BLTP2: variants seen among roughly 807,000 people sequenced by gnomAD.
BLTP2 encodes the protein bridge-like lipid transfer protein family member 2, also known as U937-associated antigen.
chr17:28,644,977 G>A, the BLTP2 span: 2 of 1,568,292 alleles, frequency 1.3e-6, no homozygotes, highest in Non-Finnish European at 1.7e-6. Context: ...CGGCGCGGCC[G>A]GGAACCCTCA....
chr17:28,626,777 A>G, the BLTP2 span, among the ~76,000 whole-genome samples: 1 of 152,256 alleles, frequency 6.6e-6, no homozygotes, highest in African/African-American at 2.4e-5. Context: ...GCCACTTCCC[A>G]TACCTCGCAC....
the BLTP2 span, among the ~76,000 whole-genome samples, chr17:28,644,399 G>C: frequency 1.3e-5 from 2 of 152,216 alleles, no homozygotes; most frequent in Admixed American, 6.5e-5. Context: ...GATGAAACCA[G>C]AAACTGCACC....
chr17:28,621,050 T>C, the BLTP2 span: 1 of 1,614,098 alleles, frequency 6.2e-7, no homozygotes, highest in South Asian at 1.1e-5. Context: ...TGGCTTAATC[T>C]GAGTTGCTAG....
the BLTP2 span, among the ~76,000 whole-genome samples, chr17:28,644,572 A>G: frequency 6.6e-6 from 1 of 152,208 alleles, no homozygotes; most frequent in Non-Finnish European, 1.5e-5. Flanking sequence ...CCAGACAGGT[A>G]TCCACGAGAA....
chr17:28,645,080 T>C, the BLTP2 span: 1 of 1,565,824 alleles, frequency 6.4e-7, no homozygotes, highest in Non-Finnish European at 8.6e-7. Context: ...CGGCCCGGCT[T>C]GGCCCCGGCC....
chr17:28,642,236 G>A, the BLTP2 span: 5 of 1,609,650 alleles, frequency 3.1e-6, no homozygotes, highest in Non-Finnish European at 4.3e-6. Flanking sequence ...TTTACGCCCA[G>A]GAGGAAATGA....
chr17:28,643,257 T>C, the BLTP2 span: 2 of 1,614,012 alleles, frequency 1.2e-6, no homozygotes, highest in African/African-American at 1.3e-5. Context: ...GGTCAGAAAC[T>C]TTCTGTAGGT....
chr17:28,623,964 C>T, the BLTP2 span: 2 of 1,613,244 alleles, frequency 1.2e-6, no homozygotes, highest in Non-Finnish European at 1.7e-6. Context: ...CACGAAGAAC[C>T]ATCTATGCCA....
the BLTP2 span, among the ~76,000 whole-genome samples, chr17:28,621,836 T>C: frequency 6.6e-6 from 1 of 152,220 alleles, no homozygotes; most frequent in South Asian, 2.1e-4. Context: ...TTTTGGTATT[T>C]GTTCCATTTG....
At chr17:28,642,086 G>T in the BLTP2 span, 6 of 1,612,862 alleles carry the variant, frequency 3.7e-6, no homozygotes, top group Non-Finnish European at 5.1e-6. Flanking sequence ...CTCCTGTGGG[G>T]ATGATAAGCC....
the BLTP2 span, chr17:28,643,605 C>T: frequency 1.9e-6 from 3 of 1,612,998 alleles, no homozygotes; most frequent in Non-Finnish European, 2.5e-6. Flanking sequence ...ATATAGGGTA[C>T]TCACGGAAGA....
At chr17:28,628,657 A>G in the BLTP2 span, 1 of 998,916 alleles carries the variant, frequency 1.0e-6, no homozygotes, top group Non-Finnish European at 1.5e-6. Flanking sequence ...CCTGTTGGCC[A>G]GATGCCATGG....
chr17:28,640,214 GA>G, the BLTP2 span, among the ~76,000 whole-genome samples: 1 of 152,090 alleles, frequency 6.6e-6, no homozygotes, highest in Non-Finnish European at 1.5e-5. Flanking sequence ...CCAACACAGT[GA>G]AACCCTGCCT....
chr17:28,638,498 G>T, the BLTP2 span: 5 of 1,598,882 alleles, frequency 3.1e-6, no homozygotes, highest in South Asian at 4.4e-5. Flanking sequence ...ACAGATTCTT[G>T]TTCCTATTCC....
the BLTP2 span, among the ~76,000 whole-genome samples, chr17:28,630,654 TG>T: frequency 2.0e-5 from 3 of 152,076 alleles, no homozygotes. Flanking sequence ...CTAATTCTTT[TG>T]TATTTTTAGT....
the BLTP2 span, among the ~76,000 whole-genome samples, chr17:28,641,656 AG>A: frequency 1.3e-5 from 2 of 150,980 alleles, no homozygotes; most frequent in Non-Finnish European, 2.9e-5. Flanking sequence ...TTAAAAAAAA[AG>A]GAAAAAAAAA....
chr17:28,630,760 AGGC>A, the BLTP2 span, among the ~76,000 whole-genome samples: 1 of 152,110 alleles, frequency 6.6e-6, no homozygotes, highest in Non-Finnish European at 1.5e-5. Flanking sequence ...CTGGGATTAC[AGGC>A]ATGAGCCACC....
the BLTP2 span, chr17:28,616,199 TAAG>T: frequency 7.1e-5 from 115 of 1,613,466 alleles, no homozygotes; most frequent in Non-Finnish European, 9.1e-5. The surrounding 1 kb of genome is among the most constrained non-coding windows in gnomAD (Gnocchi z 4.8). Context: ...CACAGGGTGC[TAAG>T]AAAGGCAGGC....
the BLTP2 span, chr17:28,633,874 A>G: frequency 6.2e-7 from 1 of 1,612,088 alleles, no homozygotes; most frequent in Non-Finnish European, 8.5e-7. Flanking sequence ...CAGCCAAACC[A>G]ACTGCCTCAT....
Sources: gnomAD v4.1 joint callset for allele counts (sites outside exome capture counted in the v4.1 genomes callset) on GRCh38, gnomAD v4.1.1 for gene constraint, Gnocchi (gnomAD v3.1) non-coding constraint, MANE v1.5 for transcripts, NCBI Gene and HGNC (gene_info 2026-07-23, HGNC 2026-07-21) for gene names.